Variants in DYM observed in about 807,000 individuals in gnomAD.
DYM encodes dyggve-Melchior-Clausen syndrome protein.
In DYM, 78 loss-of-function variants were observed where a neutral mutation model predicts 93.1. The observed-to-expected ratio is 0.84, with a 90% CI of 0.70 to 1.01. DYM has a LOEUF of 1.01. DYM is among the 50% of genes least tolerant of loss of function. The pLI, the probability that DYM is intolerant of heterozygous loss-of-function variation, is 0.00. For missense variants in DYM, 789 were observed against 845.0 expected (o/e 0.93, Z 0.82); for synonymous variants, 321 against 319.7 (o/e 1.00, Z -0.04).
chr18:49,289,633 C>A (rs2059905004), intron 8 of DYM, among the ~76,000 whole-genome samples: 1 of 147,756 alleles, frequency 6.8e-6, no homozygotes, highest in Non-Finnish European at 1.5e-5. Flanking sequence ...ATCACTTGAG[C>A]CCAGGAGGTT....
chr18:49,048,942 G>A (rs1030226509), intron 17 of DYM, among the ~76,000 whole-genome samples: 4 of 152,118 alleles, frequency 2.6e-5, no homozygotes, highest in South Asian at 2.1e-4. Context: ...TCCTCTAATC[G>A]GAAAGTACAC....
chr18:49,390,602 G>T (rs979095280), intron 3 of DYM: 1 of 151,942 alleles, frequency 6.6e-6, no homozygotes, highest in African/African-American at 2.4e-5. Flanking sequence ...CTGCCTCCCG[G>T]GTTCAAGCAA....
At chr18:49,094,868 A>C (rs1179402931) in intron 17 of DYM, among the ~76,000 whole-genome samples, 1 of 152,200 alleles carries the variant, frequency 6.6e-6, no homozygotes, top group Non-Finnish European at 1.5e-5. Context: ...TAGCTGGTGA[A>C]TTTTTCATGA....
chr18:49,315,178 G>A (rs1319988507), intron 8 of DYM, among the ~76,000 whole-genome samples: 1 of 150,640 alleles, frequency 6.6e-6, no homozygotes, highest in Non-Finnish European at 1.5e-5. Flanking sequence ...TCACATTACT[G>A]CACTCCAGCC....
intron 17 of DYM, among the ~76,000 whole-genome samples, chr18:49,082,040 T>G (rs912374246): frequency 2.6e-4 from 40 of 152,256 alleles, no homozygotes; most frequent in Admixed American, 2.2e-3. Context: ...GATTCAGAGA[T>G]GTAGACAGGC....
intron 17 of DYM, among the ~76,000 whole-genome samples, chr18:49,070,810 A>G (rs1045990015): frequency 5.9e-5 from 9 of 152,234 alleles, no homozygotes; most frequent in Non-Finnish European, 2.9e-5. Flanking sequence ...AAGGAATGTT[A>G]GCCGCTGGAT....
intron 15 of DYM, among the ~76,000 whole-genome samples, chr18:49,132,767 G>A (rs2083481744): frequency 1.3e-5 from 2 of 152,106 alleles, no homozygotes; most frequent in African/African-American, 2.4e-5. Context: ...AATTCTGGAA[G>A]AGTACAATTC....
At chr18:49,136,080 A>G (rs2083818575) in intron 15 of DYM, among the ~76,000 whole-genome samples, 2 of 152,250 alleles carry the variant, frequency 1.3e-5, no homozygotes, top group African/African-American at 4.8e-5. Flanking sequence ...GTACAATTAG[A>G]GCAAGGGATC....
chr18:49,078,365 A>G (rs1408772454), intron 17 of DYM, among the ~76,000 whole-genome samples: 11 of 151,640 alleles, frequency 7.3e-5, no homozygotes, highest in Non-Finnish European at 4.4e-5. Context: ...CCCCATAAAT[A>G]TACCTATGCA....
chr18:49,181,947 C>T (rs938082243), intron 14 of DYM, among the ~76,000 whole-genome samples: 2 of 152,078 alleles, frequency 1.3e-5, no homozygotes, highest in South Asian at 4.1e-4. Flanking sequence ...TCAGGCTATA[C>T]CTTCCCCTTA....
Position 49,187,881 on chromosome 18 carries a change from T to C in DYM, c.1625+21670A>G, listed in dbSNP as rs189537109. Among the ~76,000 whole-genome samples the C allele has an allele frequency of 2.1e-3, 320 of 152,314 alleles. 2 individuals carry two copies. Among genetic ancestry groups the C allele is most frequent in the Non-Finnish European group, 1.4e-3 (93 of 68,036 alleles). ...TTTATGCTAAAAAACACAATAGGTA[T>C]TGAGAAAGTGAGTTCTGTGGTTTTG... On this transcript the variant is annotated intron_variant, in intron 14 of 17. Coordinates refer to ENST00000675505, the MANE Select transcript of DYM (RefSeq NM_001353214.3).
intron 8 of DYM, among the ~76,000 whole-genome samples, chr18:49,317,331 A>C (rs1403112569): frequency 2.6e-5 from 4 of 152,192 alleles, no homozygotes; most frequent in African/African-American, 9.7e-5. Flanking sequence ...AATTTTTGGT[A>C]GAAAGTTAGC....
At chr18:49,362,026 AT>A (rs71165388) in intron 6 of DYM, among the ~76,000 whole-genome samples, 13,753 of 143,846 alleles carry the variant, frequency 0.096, 829 homozygotes, top group East Asian at 0.32. Context: ...ATCCGGCCTA[AT>A]TTTTTTTTTT....
At chr18:49,232,139 G>C (rs1412440819) in intron 13 of DYM, among the ~76,000 whole-genome samples, 1 of 151,954 alleles carries the variant, frequency 6.6e-6, no homozygotes, top group East Asian at 1.9e-4. Flanking sequence ...GATCTTGTTT[G>C]AAAGACAGGT....
intron 1 of DYM, among the ~76,000 whole-genome samples, chr18:49,452,437 T>G (rs1186007736): frequency 6.6e-6 from 1 of 152,048 alleles, no homozygotes; most frequent in Admixed American, 6.6e-5. Context: ...TTGGTCCATT[T>G]TACAGAGAGC....
At chr18:49,094,803 T>G (rs1287075135) in intron 17 of DYM, among the ~76,000 whole-genome samples, 1 of 152,200 alleles carries the variant, frequency 6.6e-6, no homozygotes, top group African/African-American at 2.4e-5. Flanking sequence ...TGGCTTCAAT[T>G]CTACAATGCA....
At chr18:49,288,274 A>C (rs536449459) in intron 8 of DYM, among the ~76,000 whole-genome samples, 1 of 152,192 alleles carries the variant, frequency 6.6e-6, no homozygotes, top group Non-Finnish European at 1.5e-5. Flanking sequence ...AACAACAATA[A>C]AAATTAAAAG....
intron 2 of DYM, among the ~76,000 whole-genome samples, chr18:49,425,605 G>A (rs1206950768): frequency 2.0e-5 from 3 of 152,068 alleles, no homozygotes; most frequent in African/African-American, 7.2e-5. Context: ...GAGTGAACAG[G>A]CAACCTACAG....
At chr18:49,135,028 A>C (rs1262869690) in intron 15 of DYM, among the ~76,000 whole-genome samples, 2 of 152,154 alleles carry the variant, frequency 1.3e-5, no homozygotes, top group South Asian at 4.1e-4. Context: ...GAATCACTTG[A>C]ATCCGGGAGG....
Sources: allele counts gnomAD v4.1 joint callset (sites outside exome capture counted in the v4.1 genomes callset), GRCh38; gene constraint gnomAD v4.1.1; transcripts MANE v1.5; gene names NCBI Gene and HGNC (gene_info 2026-07-23, HGNC 2026-07-21).